Variants in HMCES observed in about 807,000 individuals in gnomAD.
HMCES encodes the protein 5-hydroxymethylcytosine binding, ES cell specific, also known as abasic site processing protein HMCES.
HMCES carries 27 observed loss-of-function variants against 35.1 expected under a neutral mutation model. The ratio of observed to expected loss-of-function variants is 0.77; its 90% CI spans 0.57 to 1.06. The LOEUF is 1.06. HMCES is among the 50% of genes least tolerant of loss of function. The pLI, the probability that HMCES is intolerant of heterozygous loss-of-function variation, is 0.00. For synonymous variants in HMCES, 130 were observed against 154.7 expected (o/e 0.84, Z 1.18); for missense variants, 391 against 430.4 (o/e 0.91, Z 0.81).
At chr3:129,278,980 T>G in intron 1 of HMCES, 75 bp downstream of exon 1, 1 of 145,898 alleles carries the variant, frequency 6.9e-6, no homozygotes, top group African/African-American at 2.6e-5. Flanking sequence ...CGACGCGAGC[T>G]GACAGAGGGG....
intron 5 of HMCES, among the ~76,000 whole-genome samples, chr3:129,300,747 A>G (rs2071152569): frequency 6.8e-6 from 1 of 147,302 alleles, no homozygotes; most frequent in Non-Finnish European, 1.5e-5. Context: ...ATACAAAAAA[A>G]TGGCCAGGCG....
Position 129,279,848 on chromosome 3 carries a change from G to A in HMCES, c.116G>A (p.Cys39Tyr). Residue 39 changes from cysteine to tyrosine, a missense_variant, in exon 2 of 7, where the codon TGC becomes TAC. Physicochemically the swap from Cys to Tyr is radical, Grantham distance 194 (BLOSUM62 -2). Transcript: ENST00000383463. This position sits in a 1 kb window ranked among gnomAD's most constrained non-coding sequence, Gnocchi z 4.2. ...GAGTGGAGGGACCCTGATAAGTACT[G>A]CCCCTCTTACAACAAGAGTCCTCAA... ...LPEWRDPDKYCPSYNKSPQSN... is the reference protein window; with the variant it reads ...LPEWRDPDKYYPSYNKSPQSN... The A allele has an allele frequency of 6.2e-7, 1 of 1,612,328 alleles. No homozygotes were observed. Among genetic ancestry groups the A allele is most frequent in the Non-Finnish European group, 8.5e-7 (1 of 1,179,530 alleles).
chr3:129,302,851 A>G (rs1181002359), intron 6 of HMCES, among the ~76,000 whole-genome samples: 1 of 152,060 alleles, frequency 6.6e-6, no homozygotes, highest in East Asian at 1.9e-4. Context: ...CGTTCTCCAC[A>G]AAAAGGAAAA....
intron 6 of HMCES, among the ~76,000 whole-genome samples, chr3:129,303,033 G>A (rs2071189419): frequency 6.6e-6 from 1 of 152,182 alleles, no homozygotes; most frequent in African/African-American, 2.4e-5. Context: ...AGTTGCAGGA[G>A]CTCCAGTCCT....
At chr3:129,290,928 T>C in intron 4 of HMCES, 124 bp downstream of exon 4, 2 of 940,940 alleles carry the variant, frequency 2.1e-6, no homozygotes, top group Non-Finnish European at 3.1e-6. Context: ...TTTGGCCCAG[T>C]GCGGTGGCTC....
At chr3:129,302,370 TC>T (rs2071180389) in intron 6 of HMCES, among the ~76,000 whole-genome samples, 1 of 152,174 alleles carries the variant, frequency 6.6e-6, no homozygotes, top group South Asian at 2.1e-4. Context: ...CTAGACCCTA[TC>T]TAGACATCCT....
Position 129,304,707 on chromosome 3 carries a change from G to T in HMCES, c.947G>T (p.Ser316Ile), listed in dbSNP as rs779777441. The T allele has an allele frequency of 6.2e-7, 1 of 1,614,182 alleles. No homozygotes were observed. Among genetic ancestry groups the T allele is most frequent in the Admixed American group, 1.7e-5 (1 of 60,024 alleles). Residue 316 changes from serine (S) to isoleucine (I), a missense_variant, in exon 7 of 7, where the codon AGT becomes ATT. Physicochemically the swap from Ser to Ile is moderately radical, Grantham distance 142. Transcript: ENST00000383463. The part of the protein sequence containing the change: ...KEESDVPQWS[S>I]QFLQKSPLPT... ...GAGTCAGATGTTCCCCAGTGGTCCA[G>T]TCAGTTCCTGCAGAAGAGTCCACTC...
At chr3:129,290,828 A>T (rs780998654) in intron 4 of HMCES, 24 bp downstream of exon 4, 1 of 1,602,898 alleles carries the variant, frequency 6.2e-7, no homozygotes, top group Non-Finnish European at 8.5e-7. Flanking sequence ...CATTCACAAT[A>T]TATATTTGGA....
At chr3:129,293,126 G>A (rs924410407) in intron 4 of HMCES, among the ~76,000 whole-genome samples, 7 of 152,196 alleles carry the variant, frequency 4.6e-5, no homozygotes, top group Non-Finnish European at 1.0e-4. Context: ...TCTTACAAGC[G>A]GAGGGAGTTT....
rs1220890418 is a variant in HMCES at position 129,279,489 on chromosome 3, C to T, written c.-23-221C>T. 2.0e-5 allele frequency among the ~76,000 whole-genome samples: 3 copies of T among 152,186 alleles called. No homozygotes were observed. Among genetic ancestry groups the T allele is most frequent in the Non-Finnish European group, 4.4e-5 (3 of 68,024 alleles). ...AGGCAGGCATTTGCAGAGCTCCTCT[C>T]GGGACTTGCCTCAGTGCCCTGCACG... On this transcript the variant is annotated intron_variant, in intron 1 of 6. Transcript: ENST00000383463. This position sits in a 1 kb window ranked among gnomAD's most constrained non-coding sequence, Gnocchi z 4.2.
intron 4 of HMCES, among the ~76,000 whole-genome samples, chr3:129,298,068 C>A (rs1175944167): frequency 6.6e-6 from 1 of 152,096 alleles, no homozygotes; most frequent in Non-Finnish European, 1.5e-5. Flanking sequence ...GGTTTGGGTT[C>A]AAATTAACAA....
Position 129,287,211 on chromosome 3 carries a change from TTTTTTG to T in HMCES, c.184-1638_184-1633del, listed in dbSNP as rs576582107. ...GTGTTTTTGTTTTTTTTTGTGGGGT[TTTTTTG>T]TTTTGTTTTGTTTTGTTTTTTTTGA... On this transcript the variant is annotated intron_variant, in intron 2 of 6. Transcript: ENST00000383463. 1.7e-3 allele frequency among the ~76,000 whole-genome samples: 260 copies of T among 148,850 alleles called. 1 individual carries two copies. The highest frequency in any genetic ancestry group is 6.5e-3 in the African/African-American group (251 of 38,446).
intron 3 of HMCES, among the ~76,000 whole-genome samples, chr3:129,289,870 G>A (rs1940750099): frequency 6.6e-6 from 1 of 152,114 alleles, no homozygotes; most frequent in Non-Finnish European, 1.5e-5. Context: ...ACATCTATGT[G>A]AGTTGTGACT....
At chr3:129,304,346 A>G (rs533563377) in intron 6 of HMCES, among the ~76,000 whole-genome samples, 1 of 152,190 alleles carries the variant, frequency 6.6e-6, no homozygotes, top group South Asian at 2.1e-4. Context: ...AATGCCTTTC[A>G]GCTCTCTTCT....
intron 4 of HMCES, 117 bp downstream of exon 4, chr3:129,290,921 G>A: frequency 9.6e-7 from 1 of 1,036,572 alleles, no homozygotes; most frequent in South Asian, 1.5e-5. Context: ...TAACAGCTTT[G>A]GCCCAGTGCG....
rs1560078780 is a variant in HMCES, at chr3:129,302,176, GCTTT to G, written c.828+37_828+40del. 2.6e-6 allele frequency: 4 copies of G among 1,533,608 alleles called. No individual in the cohort carries two copies. The South Asian group carries it at 3.6e-5, about 14-fold the overall frequency. ...CTGTGACTGGTACAGTCCTTTTTGA[GCTTT>G]CTGTCTTCTGTCAGTGTTCTCTTTC... On this transcript the variant is annotated intron_variant, in intron 6 of 6. Coordinates refer to ENST00000383463, the MANE Select transcript of HMCES (RefSeq NM_020187.3).
chr3:129,292,047 GC>G (rs536875813), intron 4 of HMCES, among the ~76,000 whole-genome samples: 46 of 152,230 alleles, frequency 3.0e-4, no homozygotes, highest in Non-Finnish European at 6.0e-4. Flanking sequence ...CTGTACTCCA[GC>G]CTGAGTGACA....
intron 5 of HMCES, among the ~76,000 whole-genome samples, chr3:129,299,648 C>CTTTTTTTT (rs34382705): frequency 3.6e-5 from 4 of 110,108 alleles, no homozygotes; most frequent in African/African-American, 7.0e-5. Flanking sequence ...ATAGGTGCTT[C>CTTTTTTTT]TTTTTTTTTT....
intron 2 of HMCES, among the ~76,000 whole-genome samples, chr3:129,284,277 TGC>T: frequency 6.6e-6 from 1 of 152,186 alleles, no homozygotes; most frequent in Non-Finnish European, 1.5e-5. Flanking sequence ...AGCACTAAAG[TGC>T]TGGCTGGTAT....
Sources: gnomAD v4.1 joint callset for allele counts (sites outside exome capture counted in the v4.1 genomes callset) on GRCh38, gnomAD v4.1.1 for gene constraint, Gnocchi (gnomAD v3.1) non-coding constraint, MANE v1.5 for transcripts, NCBI Gene and HGNC (gene_info 2026-07-23, HGNC 2026-07-21) for gene names.